Variants in CLVS1 observed in about 807,000 individuals in gnomAD.
CLVS1 encodes the protein clavesin 1, also known as clavesin-1.
A neutral mutation model predicts 33.1 loss-of-function variants in CLVS1; 10 were observed. The observed-to-expected ratio is 0.30, with a 90% CI of 0.19 to 0.51. The LOEUF (loss-of-function observed/expected upper bound fraction) is 0.51, where lower values mean the gene tolerates loss of function less well. CLVS1 is among the 20% of genes least tolerant of loss of function. The pLI, the probability that CLVS1 is intolerant of heterozygous loss-of-function variation, is 0.97. For synonymous variants in CLVS1, 163 were observed against 166.1 expected, an observed-to-expected ratio of 0.98 and a Z score of 0.14; for missense variants, 343 against 433.4, an observed-to-expected ratio of 0.79 and a Z score of 1.85.
At chr8:61,236,205 G>A (rs1425634467) in intron 2 of CLVS1, among the ~76,000 whole-genome samples, 2 of 152,176 alleles carry the variant, frequency 1.3e-5, no homozygotes, top group African/African-American at 2.4e-5. Context: ...AGAAAGAACA[G>A]TGCATTGGCT....
intron 2 of CLVS1, among the ~76,000 whole-genome samples, chr8:61,154,322 GCT>G (rs1161610406): frequency 6.6e-6 from 1 of 151,998 alleles, no homozygotes; most frequent in Non-Finnish European, 1.5e-5. Flanking sequence ...AATGAAAGTG[GCT>G]CTATTCAGCT....
intron 2 of CLVS1, among the ~76,000 whole-genome samples, chr8:61,222,102 A>G (rs900797875): frequency 6.6e-6 from 1 of 151,720 alleles, no homozygotes; most frequent in Non-Finnish European, 1.5e-5. Flanking sequence ...CTAATGATCT[A>G]TCTATTTTGT....
the CLVS1 span, among the ~76,000 whole-genome samples, chr8:61,037,157 A>C: frequency 6.6e-6 from 1 of 152,202 alleles, no homozygotes; most frequent in Non-Finnish European, 1.5e-5. Flanking sequence ...ATTGTGTCAA[A>C]ATAGACATGA....
intron 2 of CLVS1, chr8:61,300,903 T>G (rs1354452001): frequency 6.6e-6 from 1 of 152,252 alleles, no homozygotes; most frequent in Non-Finnish European, 1.5e-5. Context: ...TTACATCCAA[T>G]TAACTTTCAA....
At chr8:61,173,250 A>T (rs1394365261) in intron 2 of CLVS1, among the ~76,000 whole-genome samples, 1 of 152,208 alleles carries the variant, frequency 6.6e-6, no homozygotes, top group East Asian at 1.9e-4. Context: ...CAACCTATTA[A>T]TGCTGTGTTA....
intron 2 of CLVS1, among the ~76,000 whole-genome samples, chr8:61,349,808 G>T (rs1812373339): frequency 6.6e-6 from 1 of 152,032 alleles, no homozygotes; most frequent in South Asian, 2.1e-4. Context: ...CACACAGAAG[G>T]GATTGCTGGT....
intron 5 of CLVS1, among the ~76,000 whole-genome samples, chr8:61,494,756 C>CT (rs1804210936): frequency 6.6e-6 from 1 of 152,116 alleles, no homozygotes; most frequent in Admixed American, 6.5e-5. Flanking sequence ...GGCTTTATTT[C>CT]TTTTTTTCTA....
chr8:61,302,271 T>C (rs1181737400), intron 2 of CLVS1, among the ~76,000 whole-genome samples: 1 of 152,216 alleles, frequency 6.6e-6, no homozygotes, highest in African/African-American at 2.4e-5. Flanking sequence ...TGTTATTCTG[T>C]AATGATATGG....
At chr8:61,216,914 A>G (rs930070927) in intron 2 of CLVS1, among the ~76,000 whole-genome samples, 2 of 152,092 alleles carry the variant, frequency 1.3e-5, no homozygotes, top group Admixed American at 6.6e-5. Flanking sequence ...TTATACATAT[A>G]TTTTCCTTCT....
At chr8:61,357,507 T>TC (rs1812782402) in intron 2 of CLVS1, among the ~76,000 whole-genome samples, 2 of 106,560 alleles carry the variant, frequency 1.9e-5, no homozygotes, top group South Asian at 3.6e-4. Context: ...TTTTTTTTTT[T>TC]TTTTTTTTTT....
At chr8:61,170,666 G>A (rs1806975902) in intron 2 of CLVS1, among the ~76,000 whole-genome samples, 1 of 152,074 alleles carries the variant, frequency 6.6e-6, no homozygotes, top group Admixed American at 6.5e-5. Context: ...CATCCTTACT[G>A]GAAAAACGGA....
intron 3 of CLVS1, among the ~76,000 whole-genome samples, chr8:61,443,878 C>G (rs1216229973): frequency 6.6e-6 from 1 of 151,942 alleles, no homozygotes; most frequent in Non-Finnish European, 1.5e-5. Flanking sequence ...CATATGTCTT[C>G]CATTTAGGTG....
intron 2 of CLVS1, among the ~76,000 whole-genome samples, chr8:61,248,684 A>G (rs1808868827): frequency 6.6e-6 from 1 of 152,072 alleles, no homozygotes; most frequent in Non-Finnish European, 1.5e-5. Flanking sequence ...AATGTAAGTT[A>G]TATTTTATTC....
chr8:61,368,100 TTTTA>T lies in CLVS1; in HGVS notation c.456-8498_456-8495del, dbSNP rs542548714. On this transcript the variant is annotated intron_variant, in intron 2 of 5. Coordinates refer to ENST00000325897, the MANE Select transcript of CLVS1 (RefSeq NM_173519.3). ...GGACCAAATGTGATAAAATGTTGGT[TTTTA>T]TTTATTCAAACCACTGCTTTATTTA... 2.6e-5 allele frequency among the ~76,000 whole-genome samples: 4 copies of T among 152,370 alleles called. No homozygotes were observed. In the East Asian group the frequency reaches 7.7e-4, roughly 29 times the overall value.
intron 3 of CLVS1, among the ~76,000 whole-genome samples, chr8:61,431,032 T>A (rs954422172): frequency 4.6e-5 from 7 of 152,362 alleles, no homozygotes; most frequent in Middle Eastern, 3.4e-3. Flanking sequence ...TCCCTAGAAC[T>A]GTATGACTTT....
At chr8:61,409,763 T>G (rs560231969) in intron 3 of CLVS1, among the ~76,000 whole-genome samples, 1 of 152,334 alleles carries the variant, frequency 6.6e-6, no homozygotes, top group South Asian at 2.1e-4. Context: ...GCCAATCATG[T>G]ATGAGAATGT....
chr8:60,980,475 A>C, the CLVS1 span, among the ~76,000 whole-genome samples: 121,427 of 152,152 alleles, frequency 0.8, 48,736 homozygotes, highest in South Asian at 0.85. Context: ...TTCCTGGAAC[A>C]CATAAATGTT....
chr8:61,033,053 A>AAG, the CLVS1 span, among the ~76,000 whole-genome samples: 4 of 92,154 alleles, frequency 4.3e-5, 1 homozygote, highest in African/African-American at 7.9e-5. Flanking sequence ...AAGAAAAAGA[A>AAG]AGAAAGATAG....
rs1808220244 is a variant in CLVS1 at position 61,221,670 on chromosome 8, T to G, written c.-151-78007T>G. Among the ~76,000 whole-genome samples, 4 of 152,208 alleles carry G rather than the reference T, an allele frequency of 2.6e-5. 1 individual carries two copies. The South Asian group carries it at 8.3e-4, about 32-fold the overall frequency. On this transcript the variant is annotated intron_variant, in intron 2 of 2. Transcript: ENST00000522621. ...CTCTTTTTGTTGTGTCTCTTCCCAG[T>G]TTTGGTATCAGGATGATGCTGGCTT...
Sources: gnomAD v4.1 joint callset for allele counts (sites outside exome capture counted in the v4.1 genomes callset) on GRCh38, gnomAD v4.1.1 for gene constraint, MANE v1.5 for transcripts, NCBI Gene and HGNC (gene_info 2026-07-23, HGNC 2026-07-21) for gene names.